AJAP1: variants seen among roughly 807,000 people sequenced by gnomAD.
AJAP1 encodes the protein adherens junctions associated protein 1.
AJAP1 carries 5 observed loss-of-function variants against 35.0 expected under a neutral mutation model. That is an observed-to-expected ratio of 0.14 (90% CI 0.07 to 0.30). The LOEUF (loss-of-function observed/expected upper bound fraction) is 0.30, where lower values mean the gene tolerates loss of function less well. Ranked by LOEUF, AJAP1 falls within the 10% of genes least tolerant of loss-of-function variation. AJAP1 has a pLI of 1.00. For synonymous variants in AJAP1, 284 were observed against 249.3 expected, an observed-to-expected ratio of 1.14 and a Z score of -1.31; for missense variants, 586 against 571.0, an observed-to-expected ratio of 1.03 and a Z score of -0.27.
In AJAP1 at chr1:4,711,940, C is replaced by T. The variant is rs1640252468; in HGVS notation, c.70C>T (p.His24Tyr). Residue 24 changes from histidine (H) to tyrosine (Y), a missense_variant, in exon 2 of 6, where the codon CAT becomes TAT. His to Tyr is a moderately conservative substitution (Grantham distance 83). Coordinates refer to ENST00000378191, the MANE Select transcript of AJAP1 (RefSeq NM_018836.4). ...IRWPGRPLGSHAWILIAMFQL... is the reference protein window; with the variant it reads ...IRWPGRPLGSYAWILIAMFQL... ...CTGGCCGGGCCGCCCCCTCGGAAGC[C>T]ATGCCTGGATACTGATAGCCATGTT... 1 of 1,551,216 alleles carries T rather than the reference C, an allele frequency of 6.4e-7. No homozygotes were observed. Among genetic ancestry groups the T allele is most frequent in the East Asian group, 2.5e-5 (1 of 40,282 alleles).
chr1:4,737,478 C>T (rs1339255733), intron 2 of AJAP1, among the ~76,000 whole-genome samples: 3 of 151,858 alleles, frequency 2.0e-5, no homozygotes, highest in Admixed American at 6.6e-5. Context: ...CAAGCAGAGA[C>T]GGGAGCCCCC....
chr1:4,705,953 C>T (rs537710652), intron 1 of AJAP1, among the ~76,000 whole-genome samples: 3 of 152,322 alleles, frequency 2.0e-5, no homozygotes, highest in East Asian at 1.9e-4. Flanking sequence ...TGGTGACCTA[C>T]GGTATCCCTT....
intron 1 of AJAP1, among the ~76,000 whole-genome samples, chr1:4,697,984 C>T (rs1410376785): frequency 1.3e-5 from 2 of 152,206 alleles, no homozygotes; most frequent in Non-Finnish European, 2.9e-5. Context: ...GGGGTGGTGG[C>T]GGGCAGCCGG....
At chr1:4,684,709 T>C (rs940794179) in intron 1 of AJAP1, among the ~76,000 whole-genome samples, 3 of 152,176 alleles carry the variant, frequency 2.0e-5, no homozygotes, top group Admixed American at 6.5e-5. Context: ...GTGGGAACCC[T>C]GAGGCACAAA....
chr1:4,758,427 A>G (rs1270989248), intron 2 of AJAP1, among the ~76,000 whole-genome samples: 1 of 152,196 alleles, frequency 6.6e-6, no homozygotes, highest in Non-Finnish European at 1.5e-5. Flanking sequence ...GGGTGGCCTC[A>G]GGAAACTTAC....
chr1:4,707,756 C>A (rs568480007), intron 1 of AJAP1, among the ~76,000 whole-genome samples: 152 of 152,172 alleles, frequency 1.0e-3, no homozygotes, highest in Non-Finnish European at 2.0e-3. Context: ...GGACAGATGT[C>A]TGTGCCTAAG....
intron 1 of AJAP1, among the ~76,000 whole-genome samples, chr1:4,665,561 C>G (rs978596842): frequency 2.0e-5 from 3 of 152,214 alleles, no homozygotes; most frequent in African/African-American, 7.2e-5. Context: ...TTCTCAGGCT[C>G]TCACCCCGAC....
chr1:4,742,054 A>G (rs554968990), intron 2 of AJAP1, among the ~76,000 whole-genome samples: 3 of 152,264 alleles, frequency 2.0e-5, no homozygotes, highest in Non-Finnish European at 2.9e-5. Context: ...TGAAACCATC[A>G]TAGTAATGAT....
At position 4,656,439 on chromosome 1, in the gene AJAP1, A is replaced by T. The variant is rs1266139915; in HGVS notation, c.29+985A>T. On this transcript the variant is annotated intron_variant, in intron 1 of 5. Transcript: ENST00000378191. This position sits in a 1 kb window ranked among gnomAD's most constrained non-coding sequence, Gnocchi z 5.7. ...GAGGACAGAGGTGGAGGCGGAGAGC[A>T]GCGTGCGGTTCTCGAGTTTGTCCAC... 6.6e-6 allele frequency among the ~76,000 whole-genome samples: 1 copy of T among 152,224 alleles called. No homozygotes were observed. The highest frequency in any genetic ancestry group is 2.4e-5 in the African/African-American group (1 of 41,472).
chr1:4,663,010 G>T (rs553103664), intron 1 of AJAP1, among the ~76,000 whole-genome samples: 3 of 152,300 alleles, frequency 2.0e-5, no homozygotes, highest in East Asian at 1.9e-4. Flanking sequence ...GCTTCAGGGG[G>T]CTTCCAGGGA....
intron 2 of AJAP1, among the ~76,000 whole-genome samples, chr1:4,735,929 CA>C (rs1373239499): frequency 1.3e-5 from 2 of 152,198 alleles, no homozygotes; most frequent in Non-Finnish European, 2.9e-5. Flanking sequence ...CATTGCTGGT[CA>C]GATTGAGGGG....
rs913971330 is a variant in AJAP1, at chr1:4,784,027, G to T, written c.*1542G>T. 6.6e-6 allele frequency: 1 copy of T among 152,158 alleles called. No homozygotes were observed. The highest frequency in any genetic ancestry group is 2.4e-5 in the African/African-American group (1 of 41,442). 9.4% of individuals were successfully genotyped at this position (152,158 alleles called of 1,614,324 possible). ...TGGGGGAAGCCTCGGCAAAGATGCC[G>T]TTCTCCCGTCAGCTTCCATTGGCCG... On this transcript the variant is annotated 3_prime_UTR_variant, in exon 6 of 6. Coordinates refer to ENST00000378191, the MANE Select transcript of AJAP1 (RefSeq NM_018836.4).
chr1:4,749,201 T>C (rs1468573551), intron 2 of AJAP1, among the ~76,000 whole-genome samples: 1 of 152,046 alleles, frequency 6.6e-6, no homozygotes, highest in African/African-American at 2.4e-5. Flanking sequence ...CCAGCTTAGG[T>C]CCCTTGGGAC....
At chr1:4,765,085 CA>C (rs1451176958) in intron 2 of AJAP1, among the ~76,000 whole-genome samples, 1 of 152,180 alleles carries the variant, frequency 6.6e-6, no homozygotes, top group African/African-American at 2.4e-5. Flanking sequence ...CATTAGTATA[CA>C]GTGGCGATTA....
At chr1:4,716,872 A>T (rs1640404435) in intron 2 of AJAP1, among the ~76,000 whole-genome samples, 2 of 152,220 alleles carry the variant, frequency 1.3e-5, no homozygotes, top group South Asian at 4.1e-4. Flanking sequence ...GAGTTCCTGC[A>T]GCCATGTCCC....
intron 5 of AJAP1, among the ~76,000 whole-genome samples, chr1:4,780,590 T>A (rs975252469): frequency 6.6e-6 from 1 of 150,726 alleles, no homozygotes; most frequent in African/African-American, 2.4e-5. Context: ...CAAAGGCACG[T>A]CCCCTTTCTT....
intron 2 of AJAP1, among the ~76,000 whole-genome samples, chr1:4,714,534 A>C (rs895594991): frequency 3.0e-4 from 45 of 152,200 alleles, no homozygotes; most frequent in African/African-American, 1.1e-3. Flanking sequence ...AAAGTTAAAC[A>C]CCCGGGACAG....
At chr1:4,755,732 A>T (rs927091495) in intron 2 of AJAP1, among the ~76,000 whole-genome samples, 16 of 151,784 alleles carry the variant, frequency 1.1e-4, no homozygotes, top group African/African-American at 3.4e-4. Flanking sequence ...ACACAGTGGG[A>T]TTTCGCAATG....
chr1:4,747,576 C>T (rs374756521), intron 2 of AJAP1, among the ~76,000 whole-genome samples: 2 of 152,244 alleles, frequency 1.3e-5, no homozygotes, highest in Non-Finnish European at 2.9e-5. Flanking sequence ...TTCTACCTGA[C>T]GTGCAAAACC....
Sources: gnomAD v4.1 joint callset for allele counts (sites outside exome capture counted in the v4.1 genomes callset) on GRCh38, gnomAD v4.1.1 for gene constraint, Gnocchi (gnomAD v3.1) non-coding constraint, MANE v1.5 for transcripts, NCBI Gene and HGNC (gene_info 2026-07-23, HGNC 2026-07-21) for gene names.